SLC2A2: variants seen among roughly 807,000 people sequenced by gnomAD.
SLC2A2 encodes the protein solute carrier family 2 member 2.
Under a neutral mutation model 54.5 loss-of-function variants are expected in SLC2A2, and 36 were observed. The ratio of observed to expected loss-of-function variants is 0.66; its 90% CI spans 0.51 to 0.87. SLC2A2 has a LOEUF of 0.87. SLC2A2 is among the 40% of genes least tolerant of loss of function. The pLI is 0.00. For missense variants in SLC2A2, 543 were observed against 624.3 expected, an observed-to-expected ratio of 0.87 and a Z score of 1.39; for synonymous variants, 223 against 219.1, an observed-to-expected ratio of 1.02 and a Z score of -0.16.
chr3:171,006,378 T>A (rs1007978403), intron 5 of SLC2A2, among the ~76,000 whole-genome samples: 1 of 151,984 alleles, frequency 6.6e-6, no homozygotes, highest in African/African-American at 2.4e-5. Context: ...TTAACTCCAA[T>A]TGGACAGTCA....
chr3:171,005,133 G>A lies in SLC2A2; in HGVS notation c.963+152C>T, dbSNP rs55690653. 0.023 allele frequency: 16,305 copies of A among 699,878 alleles called. 335 individuals are homozygous for A. The highest frequency in any genetic ancestry group is 0.026 in the Non-Finnish European group (10,388 of 399,580). 43.4% of individuals were successfully genotyped at this position (699,878 alleles called of 1,614,324 possible). A position where few individuals can be genotyped will look rare whatever the true frequency, so the allele number is the denominator to read the frequency against. On this transcript the variant is annotated intron_variant, in intron 7 of 10. Coordinates refer to ENST00000314251, the MANE Select transcript of SLC2A2 (RefSeq NM_000340.2). ...TTTAGAAAACTTTTGAAGCAAAATG[G>A]AAATTAATGCTTACTCAATGTACGT...
chr3:171,019,120 TATAC>T (rs1560042145), intron 1 of SLC2A2, among the ~76,000 whole-genome samples: 1 of 6,156 alleles, frequency 1.6e-4, no homozygotes, highest in Non-Finnish European at 3.2e-4. Context: ...TATATATATA[TATAC>T]GTATGTATAT....
chr3:171,017,733 G>A (rs1294228500), intron 2 of SLC2A2, among the ~76,000 whole-genome samples: 2 of 152,182 alleles, frequency 1.3e-5, no homozygotes, highest in Non-Finnish European at 2.9e-5. Context: ...CTGAGTTAGA[G>A]CAGAGGGGAA....
At chr3:171,017,313 A>G (rs1716199398) in intron 2 of SLC2A2, among the ~76,000 whole-genome samples, 1 of 152,154 alleles carries the variant, frequency 6.6e-6, no homozygotes. Flanking sequence ...CAAAAAAGAT[A>G]TGACCCTTGT....
At chr3:171,018,380 T>C in intron 2 of SLC2A2, 151 bp downstream of exon 2, 2 of 692,942 alleles carry the variant, frequency 2.9e-6, no homozygotes, top group East Asian at 2.6e-5. Context: ...GGCCAAGTTA[T>C]CAGCTTTGGA....
rs188238805 is a variant in SLC2A2, at chr3:171,001,383, C to A, written c.1068+1193G>T. 4.0e-3 allele frequency among the ~76,000 whole-genome samples: 613 copies of A among 152,058 alleles called. 4 individuals carry two copies. Among genetic ancestry groups the A allele is most frequent in the African/African-American group, 0.014 (588 of 41,456 alleles). ...ATTTAGAGTGGCCTTTTGGTTTAAA[C>A]AGGCCTTATCTCTAAAGGTATGTCT... On this transcript the variant is annotated intron_variant, in intron 8 of 10. Coordinates refer to ENST00000314251, the MANE Select transcript of SLC2A2 (RefSeq NM_000340.2).
In SLC2A2 at chr3:171,018,616, C is replaced by A; in HGVS notation, c.23G>T (p.Gly8Val). 1 of 1,613,084 alleles carries A rather than the reference C, an allele frequency of 6.2e-7. No homozygotes were observed. The highest frequency in any genetic ancestry group is 8.5e-7 in the Non-Finnish European group (1 of 1,179,160). Residue 8 changes from glycine to valine, a missense_variant, in exon 2 of 11, where the codon GGG (glycine) becomes GTG (valine). Transcript: ENST00000314251. MTEDKVT[G>V]TLVFTVITAV... ...AGTGATGACAGTGAAAACCAGGGTCCCAGTGACCTGCAGGGGGCGAGACAC... is the reference window on the plus strand; with the variant it reads ...AGTGATGACAGTGAAAACCAGGGTCACAGTGACCTGCAGGGGGCGAGACAC...
intron 4 of SLC2A2, among the ~76,000 whole-genome samples, chr3:171,009,680 A>C (rs754111606): frequency 2.0e-4 from 30 of 152,084 alleles, no homozygotes; most frequent in Non-Finnish European, 3.7e-4. Context: ...TAAATGAAGC[A>C]ACTGAGAGTC....
intron 2 of SLC2A2, among the ~76,000 whole-genome samples, chr3:171,016,168 G>C (rs570688843): frequency 7.4e-4 from 113 of 152,278 alleles, no homozygotes; most frequent in Middle Eastern, 6.8e-3. Context: ...GGGTGCCGTA[G>C]CTCATGCCTG....
At chr3:171,012,112 GTCATCATCATCA>G (rs554180180) in intron 3 of SLC2A2, among the ~76,000 whole-genome samples, 2 of 151,718 alleles carry the variant, frequency 1.3e-5, no homozygotes, top group African/African-American at 2.4e-5. Flanking sequence ...GGTCATTGTC[GTCATCATCATCA>G]TCATCATCAT....
chr3:171,018,695 G>T, intron 1 of SLC2A2, 72 bp from the exon 2 acceptor site: 1 of 1,014,412 alleles, frequency 9.9e-7, no homozygotes, highest in Non-Finnish European at 1.6e-6. Context: ...TCAGGCTGCA[G>T]CTTAAACTTC....
chr3:171,008,435 A>G (rs1715714398), intron 4 of SLC2A2, among the ~76,000 whole-genome samples: 1 of 152,098 alleles, frequency 6.6e-6, no homozygotes, highest in Non-Finnish European at 1.5e-5. Flanking sequence ...AATAATGTAG[A>G]TAAGCTCACA....
At chr3:171,009,561 C>CA (rs1715775378) in intron 4 of SLC2A2, among the ~76,000 whole-genome samples, 1 of 152,026 alleles carries the variant, frequency 6.6e-6, no homozygotes, top group Admixed American at 6.6e-5. Flanking sequence ...GTAATAACAA[C>CA]GGCTAGCATT....
At chr3:171,004,419 T>TGA (rs1715489467) in intron 7 of SLC2A2, among the ~76,000 whole-genome samples, 1 of 151,704 alleles carries the variant, frequency 6.6e-6, no homozygotes, top group Admixed American at 6.6e-5. Context: ...GTTTGTGGAG[T>TGA]GAGGTTCAGG....
chr3:170,998,180 T>C lies in SLC2A2; in HGVS notation c.1374+13A>G. On this transcript the variant is annotated intron_variant, in intron 10 of 10. Transcript: ENST00000314251. ...TTCTGTTCAGTAAATCTGTGGAATATTAGGCTGCTTACCGCAATGTACTGG... is the reference window on the plus strand; with the variant it reads ...TTCTGTTCAGTAAATCTGTGGAATACTAGGCTGCTTACCGCAATGTACTGG... 1 of 1,613,628 alleles carries C rather than the reference T, an allele frequency of 6.2e-7. No individual in the cohort carries two copies. The highest frequency in any genetic ancestry group is 8.5e-7 in the Non-Finnish European group (1 of 1,179,670).
chr3:171,016,671 G>T (rs1716166911), intron 2 of SLC2A2, among the ~76,000 whole-genome samples: 1 of 151,876 alleles, frequency 6.6e-6, no homozygotes, highest in Non-Finnish European at 1.5e-5. Context: ...TCATTCTTAT[G>T]TAATGGTGTT....
intron 8 of SLC2A2, among the ~76,000 whole-genome samples, chr3:170,999,414 T>C (rs1426920631): frequency 6.6e-6 from 1 of 152,108 alleles, no homozygotes; most frequent in Non-Finnish European, 1.5e-5. Context: ...TTGGTTTGAA[T>C]AGACCATTAT....
At chr3:171,001,368 G>C (rs1389462559) in intron 8 of SLC2A2, among the ~76,000 whole-genome samples, 2 of 151,832 alleles carry the variant, frequency 1.3e-5, no homozygotes, top group African/African-American at 2.4e-5. Context: ...ATTTAGAGTG[G>C]CCTTTTGGTT....
chr3:171,014,772 C>A, intron 2 of SLC2A2, 41 bp from the exon 3 acceptor site: 1 of 1,558,064 alleles, frequency 6.4e-7, no homozygotes, highest in Non-Finnish European at 8.9e-7. Flanking sequence ...TTCAAACATT[C>A]TATGTATTTT....
Sources: allele counts gnomAD v4.1 joint callset (sites outside exome capture counted in the v4.1 genomes callset), GRCh38; gene constraint gnomAD v4.1.1; transcripts MANE v1.5; gene names NCBI Gene and HGNC (gene_info 2026-07-23, HGNC 2026-07-21).